Variants in SVEP1 observed in about 807,000 individuals in gnomAD.
SVEP1 encodes sushi, von Willebrand factor type A, EGF and pentraxin domain containing 1, also known as sushi, von Willebrand factor type A, EGF and pentraxin domain-containing protein 1.
SVEP1 carries 164 observed loss-of-function variants against 367.3 expected under a neutral mutation model. That is an observed-to-expected ratio of 0.45 (90% CI 0.39 to 0.51). SVEP1 has a LOEUF of 0.51. SVEP1 is among the 20% of genes least tolerant of loss of function. SVEP1 has a pLI of 0.00. For missense variants in SVEP1, 4,117 were observed against 4,425.3 expected, an observed-to-expected ratio of 0.93 and a Z score of 1.98; for synonymous variants, 1,666 against 1,611.6, an observed-to-expected ratio of 1.03 and a Z score of -0.81.
rs200614448 is a variant in SVEP1 at position 110,435,327 on chromosome 9, C to A, written c.4802G>T (p.Ser1601Ile). 58 of 1,613,490 alleles carry A rather than the reference C, an allele frequency of 3.6e-5. No homozygotes were observed. Among genetic ancestry groups the A allele is most frequent in the Non-Finnish European group, 4.2e-5 (50 of 1,179,594 alleles). ...SLATSCPEEL[S>I]KGNVLAWPDF... is the part of the protein sequence containing the mutation. Reference sequence around the variant, plus strand: ...AGGCCATGCTAACACGTTTCCTTTACTGAGTTCCTCTGGGCAGGAGGTAGC... The same window carrying A: ...AGGCCATGCTAACACGTTTCCTTTAATGAGTTCCTCTGGGCAGGAGGTAGC... The change falls in exon 29 of 48, where the codon AGT (serine) becomes ATT (isoleucine). Residue 1601 changes from serine to isoleucine, a missense_variant. Transcript: ENST00000374469.
chr9:110,436,737 C>T (rs990868237), intron 27 of SVEP1, among the ~76,000 whole-genome samples: 1 of 152,182 alleles, frequency 6.6e-6, no homozygotes, highest in South Asian at 2.1e-4. Context: ...CCTGTAACTA[C>T]AAAAACTGTA....
At chr9:110,396,465 A>C (rs1394014117) in intron 40 of SVEP1, among the ~76,000 whole-genome samples, 1 of 152,196 alleles carries the variant, frequency 6.6e-6, no homozygotes, top group Non-Finnish European at 1.5e-5. Context: ...AAACACATTC[A>C]AAAGCTAGCA....
At position 110,514,939 on chromosome 9, in the gene SVEP1, A is replaced by G. The variant is rs539375567; in HGVS notation, c.965-833T>C. ...CAGATCTTGAGAAAGGATGAGGAGA[A>G]AGTGAAGAGCTTGAGGGACATAATC... On this transcript the variant is annotated intron_variant, in intron 3 of 47. Transcript: ENST00000374469. 2.6e-5 allele frequency among the ~76,000 whole-genome samples: 4 copies of G among 152,314 alleles called. No homozygotes were observed. The East Asian group carries it at 7.7e-4, about 29-fold the overall frequency.
At chr9:110,495,833 C>T (rs1381576984) in intron 8 of SVEP1, among the ~76,000 whole-genome samples, 1 of 152,106 alleles carries the variant, frequency 6.6e-6, no homozygotes, top group Non-Finnish European at 1.5e-5. Context: ...CTGAATAATG[C>T]TGGATTCAGA....
chr9:110,368,865 T>C (rs1158659639), intron 47 of SVEP1, among the ~76,000 whole-genome samples: 1 of 152,158 alleles, frequency 6.6e-6, no homozygotes, highest in African/African-American at 2.4e-5. Flanking sequence ...GGAAATTCAC[T>C]GGCATTAGAC....
At chr9:110,428,421 C>CAA (rs768203417) in intron 35 of SVEP1, among the ~76,000 whole-genome samples, 5,967 of 151,772 alleles carry the variant, frequency 0.039, 418 homozygotes, top group East Asian at 0.31. Context: ...CACACACACA[C>CAA]ACACACACCA....
At chr9:110,554,174 A>AT (rs141773766) in intron 1 of SVEP1, among the ~76,000 whole-genome samples, 19,174 of 150,706 alleles carry the variant, frequency 0.13, 1,333 homozygotes, top group East Asian at 0.18. Context: ...GCTTTATACT[A>AT]TTTTTTTTTG....
chr9:110,512,457 T>C (rs1829733676), intron 5 of SVEP1, among the ~76,000 whole-genome samples: 1 of 152,120 alleles, frequency 6.6e-6, no homozygotes, highest in Non-Finnish European at 1.5e-5. Context: ...ATAGGCTCCT[T>C]GGACTCTCGC....
intron 21 of SVEP1, 36 bp downstream of exon 21, chr9:110,457,213 CATATAAA>C: frequency 6.9e-7 from 1 of 1,445,792 alleles, no homozygotes; most frequent in African/African-American, 1.4e-5. Context: ...ATAATGATTT[CATATAAA>C]ATATATTAAA....
intron 8 of SVEP1, among the ~76,000 whole-genome samples, chr9:110,490,208 A>G (rs988682839): frequency 6.6e-6 from 1 of 152,216 alleles, no homozygotes; most frequent in Non-Finnish European, 1.5e-5. Context: ...TTACTGATGC[A>G]TAATAGATGT....
rs143505907 is a variant in SVEP1, at chr9:110,569,417, T to C, written c.531+9596A>G. Among the ~76,000 whole-genome samples the C allele has an allele frequency of 5.8e-3, 858 of 147,108 alleles. 2 individuals carry two copies. Among genetic ancestry groups the C allele is most frequent in the South Asian group, 0.013 (61 of 4,714 alleles). On this transcript the variant is annotated intron_variant, in intron 1 of 47. Transcript: ENST00000374469. ...GTTGTGGTGAGCCGAGATTGCGCCA[T>C]TGCATTCCAGCCTGGGCAACAAGAG...
intron 5 of SVEP1, among the ~76,000 whole-genome samples, chr9:110,511,765 T>C (rs1447751591): frequency 1.3e-5 from 2 of 152,086 alleles, no homozygotes; most frequent in Admixed American, 6.5e-5. Flanking sequence ...GGTACCAACA[T>C]AGATGTCTCC....
At chr9:110,430,074 G>A (rs1218024575) in intron 33 of SVEP1, 70 bp from the exon 34 acceptor site, 51 of 1,495,328 alleles carry the variant, frequency 3.4e-5, no homozygotes, top group Admixed American at 7.5e-5. Context: ...ATTTCAAGGG[G>A]CAGCTCAAGA....
chr9:110,481,092 G>A (rs1397777845), intron 12 of SVEP1, 150 bp downstream of exon 12: 2 of 545,660 alleles, frequency 3.7e-6, no homozygotes, highest in Non-Finnish European at 5.9e-6. Flanking sequence ...TTAAATCCAG[G>A]AAAGAGTAAT....
chr9:110,387,393 C>T lies in SVEP1; in HGVS notation c.9952G>A (p.Gly3318Arg), dbSNP rs371503132. 4.6e-4 allele frequency: 744 copies of T among 1,613,470 alleles called. 16 individuals carry two copies. The South Asian group carries it at 6.8e-3, about 15-fold the overall frequency. The stretch of plus-strand genomic sequence containing the variant: ...TTGCAGGAATATACCACGTTGGGTC[C>T]AGTCGTCCTGTTTTCAATGTCAGCT... ...GKADIENRTT[G>R]PNVVYSCNRG... Residue 3318 changes from glycine to arginine, a missense_variant, in exon 42 of 48, where the codon GGA becomes AGA. This residue lies in a region of SVEP1 where 1,765 missense variants were observed against 1,781.1 expected (regional missense o/e 0.99). Coordinates refer to ENST00000374469, the MANE Select transcript of SVEP1 (RefSeq NM_153366.4).
intron 3 of SVEP1, among the ~76,000 whole-genome samples, chr9:110,539,588 CA>C (rs752341233): frequency 4.3e-4 from 65 of 150,026 alleles, no homozygotes; most frequent in Non-Finnish European, 6.8e-4. Flanking sequence ...TTATAAGGGA[CA>C]AACTAATACT....
At chr9:110,536,918 C>G (rs529553807) in intron 3 of SVEP1, among the ~76,000 whole-genome samples, 1 of 152,072 alleles carries the variant, frequency 6.6e-6, no homozygotes, top group Non-Finnish European at 1.5e-5. Context: ...CTAAAACTAA[C>G]AGATAGTCAT....
chr9:110,563,735 T>C (rs547651796), intron 1 of SVEP1, among the ~76,000 whole-genome samples: 6 of 152,178 alleles, frequency 3.9e-5, no homozygotes, highest in Non-Finnish European at 8.8e-5. Context: ...GTAGAAGCCA[T>C]GGTGGCTACT....
At position 110,509,761 on chromosome 9, in the gene SVEP1, T is replaced by C. The variant is rs1173878134; in HGVS notation, c.1303+3165A>G. ...GTACATCAACGTATACATTTATCGA[T>C]ATGTGTATTTGTTAACTTCAAGTTT... On this transcript the variant is annotated intron_variant, in intron 5 of 47. Coordinates refer to ENST00000374469, the MANE Select transcript of SVEP1 (RefSeq NM_153366.4). Among the ~76,000 whole-genome samples, 4 of 152,230 alleles carry C rather than the reference T, an allele frequency of 2.6e-5. No individual in the cohort carries two copies. In the East Asian group the frequency reaches 7.7e-4, roughly 29 times the overall value.
Sources: allele counts gnomAD v4.1 joint callset (sites outside exome capture counted in the v4.1 genomes callset), GRCh38; gene constraint gnomAD v4.1.1; regional missense constraint gnomAD v4.1.1; transcripts MANE v1.5; gene names NCBI Gene and HGNC (gene_info 2026-07-23, HGNC 2026-07-21).